CCSER1: variants seen among roughly 807,000 people sequenced by gnomAD.
CCSER1 encodes serine-rich coiled-coil domain-containing protein 1.
CCSER1 carries 41 observed loss-of-function variants against 82.0 expected under a neutral mutation model. That is an observed-to-expected ratio of 0.50 (90% CI 0.39 to 0.65). The LOEUF is 0.65. Among genes scored for constraint, CCSER1 ranks in the 30% least tolerant of loss-of-function variants. CCSER1 has a pLI of 0.00. For synonymous variants in CCSER1, 414 were observed against 383.9 expected, an observed-to-expected ratio of 1.08 and a Z score of -0.92; for missense variants, 1,119 against 1,064.2, an observed-to-expected ratio of 1.05 and a Z score of -0.72.
chr4:91,382,284 G>A (rs549775745), intron 10 of CCSER1, among the ~76,000 whole-genome samples: 14 of 152,242 alleles, frequency 9.2e-5, no homozygotes, highest in Middle Eastern at 3.4e-3. Flanking sequence ...CCTTTTGTTC[G>A]GCTATGGCCT....
chr4:91,243,614 GC>G (rs1270637860), intron 10 of CCSER1, among the ~76,000 whole-genome samples: 1 of 152,090 alleles, frequency 6.6e-6, no homozygotes, highest in Non-Finnish European at 1.5e-5. Context: ...GAATAGGGAG[GC>G]CCCCATTCCA....
At chr4:90,327,627 T>G (rs1561036407) in intron 3 of CCSER1, among the ~76,000 whole-genome samples, 2 of 152,188 alleles carry the variant, frequency 1.3e-5, no homozygotes, top group Non-Finnish European at 2.9e-5. Flanking sequence ...ACTTTAGCCA[T>G]TATAATACAG....
intron 10 of CCSER1, among the ~76,000 whole-genome samples, chr4:91,431,108 C>G (rs982711427): frequency 1.3e-5 from 2 of 151,960 alleles, no homozygotes; most frequent in Non-Finnish European, 2.9e-5. Context: ...TGGTGGCGGG[C>G]GCCTGTAGTC....
chr4:91,598,063 GTTAC>G (rs1764665012), intron 10 of CCSER1, among the ~76,000 whole-genome samples: 1 of 152,124 alleles, frequency 6.6e-6, no homozygotes, highest in Admixed American at 6.6e-5. Context: ...GATTCTTGTA[GTTAC>G]TTGTGTGTTT....
At chr4:90,840,339 A>G (rs1034586490) in intron 8 of CCSER1, among the ~76,000 whole-genome samples, 1 of 152,226 alleles carries the variant, frequency 6.6e-6, no homozygotes, top group African/African-American at 2.4e-5. Flanking sequence ...ACTCTATGAC[A>G]TTAATTTCAC....
At chr4:90,652,953 G>C (rs1729038588) in intron 6 of CCSER1, among the ~76,000 whole-genome samples, 1 of 152,012 alleles carries the variant, frequency 6.6e-6, no homozygotes, top group Admixed American at 6.5e-5. Flanking sequence ...AAATAAATTT[G>C]TCTGCTGTTC....
intron 5 of CCSER1, among the ~76,000 whole-genome samples, chr4:90,497,070 A>G (rs1389441495): frequency 6.6e-6 from 1 of 151,830 alleles, no homozygotes; most frequent in African/African-American, 2.4e-5. Context: ...ATCATTATTT[A>G]TTTGTTATGA....
chr4:91,132,763 A>C (rs1230348052), intron 10 of CCSER1, among the ~76,000 whole-genome samples: 5 of 152,216 alleles, frequency 3.3e-5, no homozygotes, highest in Non-Finnish European at 5.9e-5. Flanking sequence ...AGTAACATTT[A>C]AGCTGAAACA....
At chr4:90,970,622 C>T (rs763689566) in intron 9 of CCSER1, among the ~76,000 whole-genome samples, 1 of 151,956 alleles carries the variant, frequency 6.6e-6, no homozygotes, top group Admixed American at 6.6e-5. Flanking sequence ...TTTTATCCAA[C>T]AGCAGCAGAA....
At chr4:90,983,774 C>G (rs1417824369) in intron 9 of CCSER1, among the ~76,000 whole-genome samples, 1 of 151,780 alleles carries the variant, frequency 6.6e-6, no homozygotes, top group East Asian at 1.9e-4. Flanking sequence ...ATTTAACACT[C>G]AGGCATTTTT....
intron 6 of CCSER1, among the ~76,000 whole-genome samples, chr4:90,642,667 T>C (rs778637917): frequency 6.6e-6 from 1 of 152,082 alleles, no homozygotes; most frequent in Non-Finnish European, 1.5e-5. Context: ...AGAGATCTCA[T>C]CTTTACTAAA....
At chr4:90,478,982 G>T (rs765523753) in intron 5 of CCSER1, among the ~76,000 whole-genome samples, 62 of 152,074 alleles carry the variant, frequency 4.1e-4, no homozygotes, top group South Asian at 4.2e-4. Flanking sequence ...CTCGTGATCT[G>T]CCTGCCTCAG....
intron 1 of CCSER1, among the ~76,000 whole-genome samples, chr4:90,140,143 A>G (rs1461344918): frequency 1.3e-5 from 2 of 152,314 alleles, no homozygotes. Context: ...GCTATTTTCT[A>G]AGTATTACTA....
intron 10 of CCSER1, among the ~76,000 whole-genome samples, chr4:91,091,521 C>T (rs1045235475): frequency 4.6e-5 from 7 of 152,210 alleles, no homozygotes; most frequent in African/African-American, 1.7e-4. Context: ...GAAGCTTTTA[C>T]CACACCAGTC....
At chr4:90,822,949 CTA>C (rs1466038057) in intron 8 of CCSER1, among the ~76,000 whole-genome samples, 26 of 149,486 alleles carry the variant, frequency 1.7e-4, no homozygotes, top group Non-Finnish European at 3.2e-4. Flanking sequence ...ATTACAACAA[CTA>C]TACTTTTCAA....
chr4:91,581,228 A>G (rs1763712118), intron 10 of CCSER1, among the ~76,000 whole-genome samples: 1 of 151,738 alleles, frequency 6.6e-6, no homozygotes, highest in Non-Finnish European at 1.5e-5. Context: ...GTTCCTTTTA[A>G]GTCTATTTCT....
chr4:90,720,020 A>T (rs141586626), intron 6 of CCSER1, among the ~76,000 whole-genome samples: 11 of 152,146 alleles, frequency 7.2e-5, no homozygotes, highest in Non-Finnish European at 1.5e-4. Flanking sequence ...TTATTTGCTC[A>T]TTCTTTTAAT....
chr4:91,045,550 G>GA (rs1742377677), intron 9 of CCSER1, among the ~76,000 whole-genome samples: 1 of 151,838 alleles, frequency 6.6e-6, no homozygotes, highest in South Asian at 2.1e-4. Context: ...GGAGCACCTG[G>GA]AAAAAAATCT....
intron 4 of CCSER1, among the ~76,000 whole-genome samples, chr4:90,445,573 A>G (rs1392376404): frequency 2.0e-5 from 3 of 152,064 alleles, no homozygotes; most frequent in Non-Finnish European, 4.4e-5. Flanking sequence ...GCTTGAGAAA[A>G]GGGAGTGTTG....
Sources: allele counts gnomAD v4.1 joint callset (sites outside exome capture counted in the v4.1 genomes callset), GRCh38; gene constraint gnomAD v4.1.1; transcripts MANE v1.5; gene names NCBI Gene and HGNC (gene_info 2026-07-23, HGNC 2026-07-21).